The following TMPRSS11E variants were observed in gnomAD, a reference collection of about 807,000 sequenced individuals.
The protein encoded by TMPRSS11E is transmembrane serine protease 11E.
Under a neutral mutation model 48.1 loss-of-function variants are expected in TMPRSS11E, and 38 were observed. That is an observed-to-expected ratio of 0.79 (90% CI 0.61 to 1.04). TMPRSS11E has a LOEUF of 1.04. TMPRSS11E is among the 50% of genes least tolerant of loss of function. TMPRSS11E has a pLI of 0.00. For synonymous variants in TMPRSS11E, 158 were observed against 171.9 expected (o/e 0.92, Z 0.63); for missense variants, 530 against 510.8 (o/e 1.04, Z -0.36).
chr4:68,455,896 A>G (rs992642526), intron 1 of TMPRSS11E, among the ~76,000 whole-genome samples: 1 of 152,060 alleles, frequency 6.6e-6, no homozygotes, highest in Non-Finnish European at 1.5e-5. Context: ...AGTAGAATTC[A>G]AACTTCAGTA....
chr4:68,485,905 C>T (rs1220406234), intron 9 of TMPRSS11E, among the ~76,000 whole-genome samples: 1 of 151,938 alleles, frequency 6.6e-6, no homozygotes, highest in East Asian at 1.9e-4. Context: ...AGAATTTATC[C>T]ATTCCTTCTA....
At chr4:68,466,911 T>A (rs1170218324) in intron 3 of TMPRSS11E, among the ~76,000 whole-genome samples, 159 bp downstream of exon 3, 1 of 152,052 alleles carries the variant, frequency 6.6e-6, no homozygotes, top group African/African-American at 2.4e-5. Flanking sequence ...AAATGGACAA[T>A]ACATCACTTA....
intron 2 of TMPRSS11E, among the ~76,000 whole-genome samples, chr4:68,465,897 G>C (rs1728914819): frequency 6.6e-6 from 1 of 152,144 alleles, no homozygotes; most frequent in Non-Finnish European, 1.5e-5. Flanking sequence ...CTGGAGGGTA[G>C]AGGAAAAGTT....
At chr4:68,460,871 A>G (rs905551673) in intron 1 of TMPRSS11E, among the ~76,000 whole-genome samples, 53 of 146,542 alleles carry the variant, frequency 3.6e-4, no homozygotes, top group South Asian at 1.1e-3. Context: ...ATGCAAAAAG[A>G]ATTTCCTGTA....
intron 5 of TMPRSS11E, 150 bp from the exon 6 acceptor site, chr4:68,474,573 C>G (rs1729157889): frequency 1.3e-6 from 1 of 741,612 alleles, no homozygotes; most frequent in Non-Finnish European, 2.3e-6. Flanking sequence ...TGATGATCAT[C>G]CTATGTCTAT....
chr4:68,473,103 G>A (rs886127212), intron 5 of TMPRSS11E, among the ~76,000 whole-genome samples: 9 of 152,006 alleles, frequency 5.9e-5, no homozygotes, highest in African/African-American at 2.2e-4. Flanking sequence ...TGGTTAATAT[G>A]AGAAAATTCT....
intron 1 of TMPRSS11E, among the ~76,000 whole-genome samples, chr4:68,455,762 T>C (rs999929801): frequency 6.6e-5 from 10 of 152,016 alleles, no homozygotes; most frequent in Non-Finnish European, 1.3e-4. Context: ...TTCCCTATGA[T>C]TGGCTGCAAT....
intron 9 of TMPRSS11E, among the ~76,000 whole-genome samples, chr4:68,485,073 G>C (rs1488958111): frequency 6.6e-6 from 1 of 152,170 alleles, no homozygotes. Flanking sequence ...TATGATGTTG[G>C]TTATGGGGTT....
At chr4:68,491,022 G>A (rs918811773) in intron 9 of TMPRSS11E, among the ~76,000 whole-genome samples, 5 of 151,886 alleles carry the variant, frequency 3.3e-5, no homozygotes, top group Admixed American at 1.3e-4. Context: ...GCCTTCCAAC[G>A]TGCTGGGATT....
intron 9 of TMPRSS11E, among the ~76,000 whole-genome samples, chr4:68,488,324 A>G (rs370182314): frequency 6.6e-6 from 1 of 152,136 alleles, no homozygotes; most frequent in Non-Finnish European, 1.5e-5. Context: ...TATTTATATA[A>G]TTCCATATTT....
At chr4:68,454,368 C>G (rs1028130005) in intron 1 of TMPRSS11E, among the ~76,000 whole-genome samples, 1 of 151,810 alleles carries the variant, frequency 6.6e-6, no homozygotes, top group Non-Finnish European at 1.5e-5. Context: ...TTAATTTGCA[C>G]AGAAATCCTA....
intron 1 of TMPRSS11E, among the ~76,000 whole-genome samples, chr4:68,455,614 C>A (rs754974630): frequency 3.9e-5 from 6 of 151,954 alleles, no homozygotes; most frequent in Non-Finnish European, 8.8e-5. Context: ...TTCTGAAAGT[C>A]TCAAGCTATA....
intron 1 of TMPRSS11E, among the ~76,000 whole-genome samples, chr4:68,451,622 T>A (rs1039020501): frequency 9.9e-5 from 15 of 151,988 alleles, no homozygotes; most frequent in Admixed American, 5.3e-4. Context: ...GATTTAGCAC[T>A]TTGTTTAAAG....
At chr4:68,491,041 G>A (rs927273102) in intron 9 of TMPRSS11E, among the ~76,000 whole-genome samples, 2 of 151,880 alleles carry the variant, frequency 1.3e-5, no homozygotes, top group African/African-American at 4.8e-5. Context: ...TTACGAGTGT[G>A]AGCCACTGCA....
At chr4:68,458,916 C>G (rs2109668691) in intron 1 of TMPRSS11E, among the ~76,000 whole-genome samples, 1 of 152,020 alleles carries the variant, frequency 6.6e-6, no homozygotes, top group East Asian at 1.9e-4. Context: ...GATTTTTCCA[C>G]TTGGGAGCTC....
intron 8 of TMPRSS11E, among the ~76,000 whole-genome samples, chr4:68,478,147 A>G (rs898492168): frequency 1.1e-5 from 1 of 90,532 alleles, no homozygotes; most frequent in African/African-American, 3.9e-5. Flanking sequence ...CTGTATCACT[A>G]TCTTTTTTTT....
intron 5 of TMPRSS11E, among the ~76,000 whole-genome samples, chr4:68,473,928 C>T (rs555585616): frequency 5.3e-5 from 8 of 150,740 alleles, no homozygotes; most frequent in African/African-American, 1.7e-4. Context: ...TATAGATTTC[C>T]ACTTCATTCA....
intron 5 of TMPRSS11E, 23 bp from the exon 6 acceptor site, chr4:68,474,700 T>C (rs773517930): frequency 1.2e-6 from 2 of 1,606,452 alleles, no homozygotes; most frequent in East Asian, 2.2e-5. Context: ...GCTGACCCTA[T>C]TTGCCATTTC....
Position 68,461,882 on chromosome 4 carries a change from A to G in TMPRSS11E, c.73A>G (p.Ile25Val), listed in dbSNP as rs754888012. 2 of 1,614,090 alleles carry G rather than the reference A, an allele frequency of 1.2e-6. No individual in the cohort carries two copies. Among genetic ancestry groups the G allele is most frequent in the African/African-American group, 2.7e-5 (2 of 74,938 alleles). The change falls in exon 2 of 10, where the codon ATC (isoleucine) becomes GTC (valine). Residue 25 changes from isoleucine to valine, a missense_variant. Transcript: ENST00000305363. ...CWEPWVIGLV[I>V]FISLIVLAVC... ...GGAACCCTGGGTTATCGGCCTCGTC[A>G]TCTTCATATCCCTGATTGTCCTGGC... is the stretch of plus-strand genomic sequence containing the variant.
Sources: allele counts gnomAD v4.1 joint callset (sites outside exome capture counted in the v4.1 genomes callset), GRCh38; gene constraint gnomAD v4.1.1; transcripts MANE v1.5; gene names NCBI Gene and HGNC (gene_info 2026-07-23, HGNC 2026-07-21).